KLHL29: variants seen among roughly 807,000 people sequenced by gnomAD.
KLHL29 encodes the protein kelch-like protein 29.
A neutral mutation model predicts 80.4 loss-of-function variants in KLHL29; 21 were observed. That is an observed-to-expected ratio of 0.26 (90% CI 0.19 to 0.38). The LOEUF is 0.38. Ranked by LOEUF, KLHL29 falls within the 10% of genes least tolerant of loss-of-function variation. KLHL29 has a pLI of 1.00. For synonymous variants in KLHL29, 511 were observed against 526.8 expected (o/e 0.97, Z 0.41); for missense variants, 867 against 1,223.9 (o/e 0.71, Z 4.35).
chr2:23,424,170 A>G (rs924575815), intron 1 of KLHL29, among the ~76,000 whole-genome samples: 4 of 152,236 alleles, frequency 2.6e-5, no homozygotes, highest in African/African-American at 7.2e-5. Flanking sequence ...GCTTACTGCT[A>G]TCAAAGGTGG....
chr2:23,507,898 T>C (rs939617199), intron 2 of KLHL29, among the ~76,000 whole-genome samples: 2 of 152,242 alleles, frequency 1.3e-5, no homozygotes, highest in African/African-American at 4.8e-5. Context: ...TTTGTTATCT[T>C]TGGCCACTTA....
Position 23,700,457 on chromosome 2 carries a change from T to C in KLHL29, c.2106-2729T>C, listed in dbSNP as rs965166196. Among the ~76,000 whole-genome samples, 2 of 152,198 alleles carry C rather than the reference T, an allele frequency of 1.3e-5. No individual in the cohort carries two copies. Among genetic ancestry groups the C allele is most frequent in the African/African-American group, 4.8e-5 (2 of 41,450 alleles). ...CTATTGCGCCTCTCCAGGGAGGAGA[T>C]TCCAGAGAATGGTGGCCACAGCACA... On this transcript the variant is annotated intron_variant, in intron 11 of 13. Coordinates refer to ENST00000486442, the MANE Select transcript of KLHL29 (RefSeq NM_052920.2). This position sits in a 1 kb window ranked among gnomAD's most constrained non-coding sequence, Gnocchi z 4.6.
chr2:23,578,277 C>T (rs1241031761), intron 3 of KLHL29, among the ~76,000 whole-genome samples: 1 of 152,210 alleles, frequency 6.6e-6, no homozygotes, highest in East Asian at 1.9e-4. Context: ...ACCTCTTGGC[C>T]TGCACAGCGA....
intron 2 of KLHL29, among the ~76,000 whole-genome samples, chr2:23,543,878 G>A (rs72793559): frequency 0.076 from 11,622 of 152,208 alleles, 496 homozygotes; most frequent in South Asian, 0.11. Flanking sequence ...TTGGGGCTGG[G>A]GGAACTGGCA....
At position 23,692,783 on chromosome 2, in the gene KLHL29, C is replaced by T. The variant is rs1044375469; in HGVS notation, c.1283-486C>T. Among the ~76,000 whole-genome samples, 3 of 152,086 alleles carry T rather than the reference C, an allele frequency of 2.0e-5. No individual in the cohort carries two copies. In the East Asian group the frequency reaches 5.8e-4, roughly 29 times the overall value. ...AGAGCTGGCCAGATGGACCCCAGAGCCTAGCGAGCCAGATTGAGTGGGGCA... is the reference window on the plus strand; with the variant it reads ...AGAGCTGGCCAGATGGACCCCAGAGTCTAGCGAGCCAGATTGAGTGGGGCA... On this transcript the variant is annotated intron_variant, in intron 7 of 13. Coordinates refer to ENST00000486442, the MANE Select transcript of KLHL29 (RefSeq NM_052920.2).
chr2:23,659,250 T>C (rs1245906632), intron 5 of KLHL29, among the ~76,000 whole-genome samples: 1 of 152,188 alleles, frequency 6.6e-6, no homozygotes, highest in Non-Finnish European at 1.5e-5. Flanking sequence ...GCAGCGGCGC[T>C]GGGGGACTTA....
chr2:23,614,265 T>TAAAATGTATAAAACCAACCTGTGCCCC lies in KLHL29; in HGVS notation c.286-24874_286-24873insAAAATGTATAAAACCAACCTGTGCCCC, dbSNP rs1668945738. Among the ~76,000 whole-genome samples, 3 of 152,058 alleles carry TAAAATGTATAAAACCAACCTGTGCCCC rather than the reference T, an allele frequency of 2.0e-5. No homozygotes were observed. The South Asian group carries it at 6.2e-4, about 31-fold the overall frequency. ...AAATGTATAAAACCAACCTGTGCCC[T>TAAAATGTATAAAACCAACCTGTGCCCC]GACCACCCTGGACACATGTCATCAG... On this transcript the variant is annotated intron_variant, in intron 3 of 13. Transcript: ENST00000486442.
At position 23,682,763 on chromosome 2, in the gene KLHL29, C is replaced by T. The variant is rs1289933279; in HGVS notation, c.941-1636C>T. ...TCTGTAGCTCCCACCCCCCTTGCTC[C>T]GGGTCTGAGCTCACCCCACGTAGAT... On this transcript the variant is annotated intron_variant, in intron 5 of 13. Transcript: ENST00000486442. This position sits in a 1 kb window ranked among gnomAD's most constrained non-coding sequence, Gnocchi z 4.1. 1.3e-5 allele frequency among the ~76,000 whole-genome samples: 2 copies of T among 152,150 alleles called. No homozygotes were observed. The highest frequency in any genetic ancestry group is 2.9e-5 in the Non-Finnish European group (2 of 68,022).
chr2:23,442,512 A>G (rs1427072621), intron 1 of KLHL29, among the ~76,000 whole-genome samples: 1 of 152,194 alleles, frequency 6.6e-6, no homozygotes, highest in African/African-American at 2.4e-5. Context: ...GGAAGGGGCC[A>G]CAAGCAAAGG....
intron 1 of KLHL29, among the ~76,000 whole-genome samples, chr2:23,418,944 C>G (rs1473447146): frequency 6.6e-6 from 1 of 152,106 alleles, no homozygotes; most frequent in South Asian, 2.1e-4. Context: ...TGCCAGATGG[C>G]ACTTTCCATG....
At chr2:23,390,876 ACTC>A (rs1666304258) in intron 1 of KLHL29, among the ~76,000 whole-genome samples, 1 of 151,758 alleles carries the variant, frequency 6.6e-6, no homozygotes, top group African/African-American at 2.4e-5. Context: ...CTGGTCTCGA[ACTC>A]CTGACCTCAG....
At chr2:23,482,908 G>A (rs1664839405) in intron 2 of KLHL29, among the ~76,000 whole-genome samples, 1 of 152,042 alleles carries the variant, frequency 6.6e-6, no homozygotes, top group Admixed American at 6.6e-5. Context: ...CATTGTCCTA[G>A]GTCTGGGATC....
At chr2:23,507,110 C>A in intron 2 of KLHL29, 1 of 451,868 alleles carries the variant, frequency 2.2e-6, no homozygotes, top group Admixed American at 2.4e-5. Context: ...GGCTCAACAT[C>A]GCTGCCTGGG....
intron 3 of KLHL29, among the ~76,000 whole-genome samples, chr2:23,631,860 G>C (rs542094769): frequency 4.7e-4 from 71 of 152,206 alleles, no homozygotes; most frequent in Non-Finnish European, 8.7e-4. Context: ...ACATAAGCAA[G>C]ACCCAAAACT....
intron 3 of KLHL29, among the ~76,000 whole-genome samples, chr2:23,599,522 C>T (rs921406145): frequency 1.3e-5 from 2 of 150,440 alleles, no homozygotes; most frequent in African/African-American, 4.9e-5. Flanking sequence ...ATATTACATT[C>T]TATATAAATA....
At chr2:23,414,280 A>G (rs954478950) in intron 1 of KLHL29, among the ~76,000 whole-genome samples, 1 of 148,888 alleles carries the variant, frequency 6.7e-6, no homozygotes, top group Non-Finnish European at 1.5e-5. Flanking sequence ...CCTGCAGGGA[A>G]GGTTCAGGGA....
chr2:23,621,669 A>T (rs1237591905), intron 3 of KLHL29, among the ~76,000 whole-genome samples: 1 of 152,050 alleles, frequency 6.6e-6, no homozygotes, highest in Non-Finnish European at 1.5e-5. Context: ...CCCCCAGGAG[A>T]ATAAGTAAGG....
At position 23,503,054 on chromosome 2, in the gene KLHL29, A is replaced by G. The variant is rs139126698; in HGVS notation, c.-46+27387A>G. ...ATCATAAGGATTTACATCAGGAAAA[A>G]TAACCTGAGAATAGATGTGTTTTGT... On this transcript the variant is annotated intron_variant, in intron 2 of 13. Coordinates refer to ENST00000486442, the MANE Select transcript of KLHL29 (RefSeq NM_052920.2). The surrounding 1 kb of genome is among the most constrained non-coding windows in gnomAD (Gnocchi z 4.0). Among the ~76,000 whole-genome samples the G allele has an allele frequency of 2.6e-5, 4 of 152,320 alleles. No homozygotes were observed. In the East Asian group the frequency reaches 7.7e-4, roughly 29 times the overall value.
chr2:23,613,055 A>G (rs988628220), intron 3 of KLHL29, among the ~76,000 whole-genome samples: 2 of 152,214 alleles, frequency 1.3e-5, no homozygotes, highest in Non-Finnish European at 1.5e-5. Context: ...ATAAGTATCA[A>G]TATTACACTT....
Sources: gnomAD v4.1 joint callset for allele counts (sites outside exome capture counted in the v4.1 genomes callset) on GRCh38, gnomAD v4.1.1 for gene constraint, Gnocchi (gnomAD v3.1) non-coding constraint, MANE v1.5 for transcripts, NCBI Gene and HGNC (gene_info 2026-07-23, HGNC 2026-07-21) for gene names.